DSCAM: variants seen among roughly 807,000 people sequenced by gnomAD.
DSCAM encodes the protein DS cell adhesion molecule.
A neutral mutation model predicts 217.7 loss-of-function variants in DSCAM; 47 were observed. The ratio of observed to expected loss-of-function variants is 0.22; its 90% CI spans 0.17 to 0.28. DSCAM has a LOEUF of 0.28. Ranked by LOEUF, DSCAM falls within the 10% of genes least tolerant of loss-of-function variation. The pLI is 1.00. For missense variants in DSCAM, 2,080 were observed against 2,618.3 expected, an observed-to-expected ratio of 0.79 and a Z score of 4.49; for synonymous variants, 1,056 against 1,015.3, an observed-to-expected ratio of 1.04 and a Z score of -0.76.
intron 3 of DSCAM, among the ~76,000 whole-genome samples, chr21:40,526,509 G>A (rs1334244640): frequency 6.6e-6 from 1 of 152,122 alleles, no homozygotes; most frequent in African/African-American, 2.4e-5. Context: ...CCCTTTTCAG[G>A]TGTGTAGAAG....
chr21:40,430,380 T>G (rs2205086), intron 3 of DSCAM, among the ~76,000 whole-genome samples: 111,535 of 152,094 alleles, frequency 0.73, 41,277 homozygotes, highest in East Asian at 0.82. Context: ...CCTTAATTTG[T>G]TGGGCACAAT....
intron 18 of DSCAM, among the ~76,000 whole-genome samples, chr21:40,142,159 C>T (rs2090299161): frequency 6.6e-6 from 1 of 152,170 alleles, no homozygotes; most frequent in Non-Finnish European, 1.5e-5. Flanking sequence ...AGCACAACTA[C>T]AGGAAATTTA....
At chr21:40,268,846 C>T (rs1223976090) in intron 11 of DSCAM, among the ~76,000 whole-genome samples, 5 of 152,002 alleles carry the variant, frequency 3.3e-5, no homozygotes, top group Non-Finnish European at 5.9e-5. Flanking sequence ...CCCAGCTACT[C>T]GGGAAGCTGA....
At chr21:40,831,238 G>C (rs940800726) in intron 1 of DSCAM, among the ~76,000 whole-genome samples, 3 of 152,214 alleles carry the variant, frequency 2.0e-5, no homozygotes, top group Non-Finnish European at 4.4e-5. Context: ...TCACATATGA[G>C]TAGCTGGCTT....
At chr21:40,482,483 T>C (rs531926482) in intron 3 of DSCAM, among the ~76,000 whole-genome samples, 1 of 152,316 alleles carries the variant, frequency 6.6e-6, no homozygotes, top group Admixed American at 6.5e-5. Context: ...TAGAGAATTT[T>C]TCAGAATTTT....
intron 3 of DSCAM, among the ~76,000 whole-genome samples, chr21:40,642,463 G>A (rs753287619): frequency 3.9e-5 from 6 of 152,138 alleles, no homozygotes; most frequent in African/African-American, 7.2e-5. Context: ...GAATCACCTG[G>A]AGAGCTTCCA....
At chr21:40,207,735 C>G (rs2091141630) in intron 11 of DSCAM, among the ~76,000 whole-genome samples, 1 of 152,124 alleles carries the variant, frequency 6.6e-6, no homozygotes, top group Non-Finnish European at 1.5e-5. Context: ...CATGGATTGG[C>G]CTCAATAATA....
chr21:40,330,259 TTATA>T (rs1280308658), intron 8 of DSCAM, among the ~76,000 whole-genome samples: 1 of 148,000 alleles, frequency 6.8e-6, no homozygotes, highest in Non-Finnish European at 1.5e-5. Context: ...ATGCATATAT[TTATA>T]TATATCAAAA....
At chr21:40,348,244 T>C in intron 5 of DSCAM, among the ~76,000 whole-genome samples, 2 of 152,120 alleles carry the variant, frequency 1.3e-5, no homozygotes, top group African/African-American at 2.4e-5. Flanking sequence ...ATTGCAATCA[T>C]ACCCCATACG....
intron 5 of DSCAM, among the ~76,000 whole-genome samples, chr21:40,352,587 A>T (rs8132460): frequency 6.6e-6 from 1 of 151,966 alleles, no homozygotes; most frequent in East Asian, 1.9e-4. Flanking sequence ...GGTGGGGAGG[A>T]GGAAGTAAGA....
intron 27 of DSCAM, among the ~76,000 whole-genome samples, chr21:40,063,737 C>A (rs559116956): frequency 6.6e-6 from 1 of 152,144 alleles, no homozygotes; most frequent in Non-Finnish European, 1.5e-5. Context: ...TGAAAGTATA[C>A]GTATGTGGGA....
At chr21:40,693,975 G>A (rs1191803367) in intron 2 of DSCAM, among the ~76,000 whole-genome samples, 1 of 152,136 alleles carries the variant, frequency 6.6e-6, no homozygotes, top group Non-Finnish European at 1.5e-5. Flanking sequence ...TCTATACCAT[G>A]GGGATGATGT....
chr21:40,554,451 A>G (rs2076655252), intron 3 of DSCAM, among the ~76,000 whole-genome samples: 1 of 152,152 alleles, frequency 6.6e-6, no homozygotes, highest in Non-Finnish European at 1.5e-5. Context: ...CTAGCCTTTC[A>G]GGGACCCCTC....
chr21:40,189,000 A>G, intron 12 of DSCAM, 42 bp downstream of exon 12: 1 of 1,592,526 alleles, frequency 6.3e-7, no homozygotes, highest in South Asian at 1.1e-5. Flanking sequence ...TTATTCTTCC[A>G]ATAAAGTTCA....
intron 24 of DSCAM, 50 bp downstream of exon 24, chr21:40,083,858 T>G (rs751016135): frequency 1.4e-6 from 2 of 1,466,240 alleles, no homozygotes; most frequent in Non-Finnish European, 1.9e-6. Context: ...CTTATTGGCA[T>G]GTGGATCACA....
intron 11 of DSCAM, among the ~76,000 whole-genome samples, chr21:40,210,726 G>A (rs750548099): frequency 2.0e-5 from 3 of 152,138 alleles, no homozygotes; most frequent in African/African-American, 7.2e-5. Context: ...TGTATTTTTA[G>A]TGGAGATAGG....
intron 20 of DSCAM, among the ~76,000 whole-genome samples, chr21:40,101,626 A>G (rs541343861): frequency 5.5e-4 from 83 of 152,290 alleles, no homozygotes; most frequent in Non-Finnish European, 1.0e-3. Flanking sequence ...TACCGATGTC[A>G]TGTAACAGGG....
chr21:40,199,980 T>C (rs905567989), intron 11 of DSCAM, among the ~76,000 whole-genome samples: 5 of 150,040 alleles, frequency 3.3e-5, no homozygotes, highest in African/African-American at 1.2e-4. Context: ...AGTAGTATCT[T>C]CCCAGTCACA....
chr21:40,743,580 T>C (rs1284805171), intron 1 of DSCAM, among the ~76,000 whole-genome samples: 1 of 152,136 alleles, frequency 6.6e-6, no homozygotes, highest in African/African-American at 2.4e-5. Context: ...GATCTGCTTA[T>C]ACTAGAAGAA....
Sources: allele counts gnomAD v4.1 joint callset (sites outside exome capture counted in the v4.1 genomes callset), GRCh38; gene constraint gnomAD v4.1.1; transcripts MANE v1.5; gene names NCBI Gene and HGNC (gene_info 2026-07-23, HGNC 2026-07-21).